HSD11B1: variants seen among roughly 807,000 people sequenced by gnomAD.
HSD11B1 encodes the protein 11-beta-hydroxysteroid dehydrogenase 1.
HSD11B1 carries 15 observed loss-of-function variants against 22.1 expected under a neutral mutation model. That is an observed-to-expected ratio of 0.68 (90% confidence interval 0.45 to 1.04). The LOEUF (loss-of-function observed/expected upper bound fraction) is 1.04, where lower values mean the gene tolerates loss of function less well. Ranked by LOEUF, HSD11B1 falls within the 50% of genes least tolerant of loss-of-function variation. The pLI is 0.00. For synonymous variants in HSD11B1, 122 were observed against 125.2 expected, an observed-to-expected ratio of 0.97 and a Z score of 0.17; for missense variants, 281 against 357.6, an observed-to-expected ratio of 0.79 and a Z score of 1.73.
At chr1:209,715,423 AC>A (rs2076924128) in intron 4 of HSD11B1, among the ~76,000 whole-genome samples, 1 of 151,808 alleles carries the variant, frequency 6.6e-6, no homozygotes, top group African/African-American at 2.4e-5. Context: ...AAAAAAAAAA[AC>A]AACAACAACA....
At chr1:209,693,592 G>A (rs1329706462) in intron 1 of HSD11B1, among the ~76,000 whole-genome samples, 1 of 152,210 alleles carries the variant, frequency 6.6e-6, no homozygotes. Context: ...ATATCATCTG[G>A]AGTATGACTC....
At chr1:209,686,675 G>T (rs1485848249) in intron 1 of HSD11B1, among the ~76,000 whole-genome samples, 2 of 152,182 alleles carry the variant, frequency 1.3e-5, no homozygotes, top group Non-Finnish European at 2.9e-5. Context: ...GTTGTAAGCA[G>T]TTTTTAAAAT....
rs150048198 is a variant in HSD11B1 at position 209,686,883 on chromosome 1, A to G, written c.-49+598A>G. Among the ~76,000 whole-genome samples the G allele has an allele frequency of 2.0e-4, 31 of 152,320 alleles. No individual in the cohort carries two copies. In the East Asian group the frequency reaches 6.0e-3, roughly 29 times the overall value. Reference sequence around the variant, plus strand: ...AAGGGAGGCCTAAACGTGTCCATCAAAATTCTTCATGTGCTATTCATCTAT... The same window carrying G: ...AAGGGAGGCCTAAACGTGTCCATCAGAATTCTTCATGTGCTATTCATCTAT... On this transcript the variant is annotated intron_variant, in intron 1 of 6. Coordinates refer to the HSD11B1 transcript ENST00000261465.
rs147025221 is a variant in HSD11B1, at chr1:209,727,704, G to A, written c.518-4732G>A. ...TCCCACTCATTAACCTTGAAACTTT[G>A]AGCATTTATCCTTTAGATTCTACAC... is the stretch of plus-strand genomic sequence containing the variant. On this transcript the variant is annotated intron_variant, in intron 4 of 5. Coordinates refer to ENST00000367027, the MANE Select transcript of HSD11B1 (RefSeq NM_005525.4). 2.6e-5 allele frequency among the ~76,000 whole-genome samples: 4 copies of A among 152,270 alleles called. No homozygotes were observed. In the East Asian group the frequency reaches 7.7e-4, roughly 29 times the overall value.
At chr1:209,705,411 T>A (rs2076851722) in intron 1 of HSD11B1, among the ~76,000 whole-genome samples, 2 of 142,252 alleles carry the variant, frequency 1.4e-5, no homozygotes, top group African/African-American at 2.6e-5. Context: ...GATGACTACA[T>A]AGAAGTGAGG....
At position 209,704,900 on chromosome 1, in the gene HSD11B1, CT is replaced by C. The variant is rs1224742801; in HGVS notation, c.-42del. ...GGTTGTAGAAAGCTCTGTAGGTTCT[CT>C]CTGTGTGTCCTACAGGAGTCTTCAG... On this transcript the variant is annotated 5_prime_UTR_variant, in exon 1 of 6. Transcript: ENST00000367027. 1.4e-6 allele frequency: 2 copies of C among 1,454,990 alleles called. No individual in the cohort carries two copies. The highest frequency in any genetic ancestry group is 1.9e-6 in the Non-Finnish European group (2 of 1,035,640). 90.1% of individuals were successfully genotyped at this position (1,454,990 alleles called of 1,614,324 possible). A position where few individuals can be genotyped will look rare whatever the true frequency, so the allele number is the denominator to read the frequency against.
At chr1:209,718,828 T>C (rs901258993) in intron 4 of HSD11B1, among the ~76,000 whole-genome samples, 21 of 151,768 alleles carry the variant, frequency 1.4e-4, no homozygotes, top group Non-Finnish European at 2.1e-4. Context: ...GAGACCAGCC[T>C]GGCCAATATG....
chr1:209,721,483 A>C (rs1197215159), intron 4 of HSD11B1, among the ~76,000 whole-genome samples: 2 of 151,350 alleles, frequency 1.3e-5, no homozygotes, highest in Non-Finnish European at 2.9e-5. Flanking sequence ...AAAAAAAAAA[A>C]AAAATCCCCA....
At chr1:209,730,536 C>G (rs1571888116) in intron 4 of HSD11B1, among the ~76,000 whole-genome samples, 1 of 152,168 alleles carries the variant, frequency 6.6e-6, no homozygotes, top group Non-Finnish European at 1.5e-5. Flanking sequence ...AAGAAAATCT[C>G]AGGGAGATGA....
intron 4 of HSD11B1, among the ~76,000 whole-genome samples, chr1:209,724,397 C>T (rs1028361360): frequency 6.6e-6 from 1 of 152,196 alleles, no homozygotes; most frequent in Admixed American, 6.5e-5. Flanking sequence ...TCTTCTCTGG[C>T]CTCCCAGTGT....
At chr1:209,732,901 T>C (rs745979768) in intron 5 of HSD11B1, among the ~76,000 whole-genome samples, 19 of 152,266 alleles carry the variant, frequency 1.2e-4, no homozygotes, top group Non-Finnish European at 2.2e-4. Context: ...GCCTTACCAT[T>C]GTGGATAAAC....
intron 4 of HSD11B1, among the ~76,000 whole-genome samples, chr1:209,718,299 T>C (rs1399133512): frequency 6.6e-6 from 1 of 152,224 alleles, no homozygotes; most frequent in Admixed American, 6.5e-5. Context: ...ATACCCTTAC[T>C]TGATCATTAC....
At chr1:209,698,695 C>T (rs1303996625) in intron 1 of HSD11B1, among the ~76,000 whole-genome samples, 1 of 152,208 alleles carries the variant, frequency 6.6e-6, no homozygotes, top group African/African-American at 2.4e-5. Flanking sequence ...TGAAAAACTA[C>T]AACTACAACA....
Position 209,734,573 on chromosome 1 carries a change from A to G in HSD11B1, c.*52A>G, listed in dbSNP as rs749288821. On this transcript the variant is annotated 3_prime_UTR_variant, in exon 6 of 6. Transcript: ENST00000367027. ...AGGGATTTTGGGACTGTTCTGTCTCATGTTTATCTGAGCTCTTATCTATGA... is the reference window on the plus strand; with the variant it reads ...AGGGATTTTGGGACTGTTCTGTCTCGTGTTTATCTGAGCTCTTATCTATGA... 1 of 1,306,194 alleles carries G rather than the reference A, an allele frequency of 7.7e-7. No homozygotes were observed. Among genetic ancestry groups the G allele is most frequent in the Admixed American group, 1.7e-5 (1 of 59,584 alleles). The allele number at this position is 1,306,194 out of a possible 1,614,324, so 80.9% of individuals were successfully genotyped here. A position where few individuals can be genotyped will look rare whatever the true frequency, so the allele number is the denominator to read the frequency against.
At chr1:209,728,138 A>G (rs1373990279) in intron 4 of HSD11B1, among the ~76,000 whole-genome samples, 2 of 152,224 alleles carry the variant, frequency 1.3e-5, no homozygotes, top group Non-Finnish European at 2.9e-5. Flanking sequence ...CTTCCTTCAT[A>G]GTATATGCCT....
At chr1:209,734,183 G>C (rs2077052947) in intron 5 of HSD11B1, 121 bp from the exon 6 acceptor site, 1 of 748,832 alleles carries the variant, frequency 1.3e-6, no homozygotes. Flanking sequence ...TAGTGCCTGT[G>C]AGGCTTGCAG....
At chr1:209,702,526 C>T (rs1045975337), upstream of HSD11B1, among the ~76,000 whole-genome samples, 6 of 151,952 alleles carry the variant, frequency 3.9e-5, no homozygotes, top group African/African-American at 7.2e-5. Flanking sequence ...GTCTCTGAGA[C>T]CCTCTTGAAG....
At chr1:209,709,802 A>G (rs1467088300) in intron 4 of HSD11B1, among the ~76,000 whole-genome samples, 2 of 152,266 alleles carry the variant, frequency 1.3e-5, no homozygotes, top group Admixed American at 1.3e-4. Flanking sequence ...CATGTGTCCA[A>G]CTAAAAATCA....
chr1:209,704,871 A>C lies in HSD11B1; in HGVS notation c.-72A>C. 1 of 1,141,598 alleles carries C rather than the reference A, an allele frequency of 8.8e-7. No homozygotes were observed. Among genetic ancestry groups the C allele is most frequent in the South Asian group, 1.2e-5 (1 of 81,156 alleles). The allele number at this position is 1,141,598 out of a possible 1,614,324, so 70.7% of individuals were successfully genotyped here. A position where few individuals can be genotyped will look rare whatever the true frequency, so the allele number is the denominator to read the frequency against. On this transcript the variant is annotated 5_prime_UTR_variant, in exon 1 of 6. Coordinates refer to ENST00000367027, the MANE Select transcript of HSD11B1 (RefSeq NM_005525.4). ...ACAATTCAGAGGCTGCTGCCTGCTT[A>C]GGAGGTTGTAGAAAGCTCTGTAGGT...
Sources: allele counts gnomAD v4.1 joint callset (sites outside exome capture counted in the v4.1 genomes callset), GRCh38; gene constraint gnomAD v4.1.1; transcripts MANE v1.5; gene names NCBI Gene and HGNC (gene_info 2026-07-23, HGNC 2026-07-21).